Variants in KIAA1549L observed in about 807,000 individuals in gnomAD.
The protein encoded by KIAA1549L is KIAA1549 like, also known as UPF0606 protein KIAA1549L.
A neutral mutation model predicts 160.7 loss-of-function variants in KIAA1549L; 88 were observed. The observed-to-expected ratio is 0.55, with a 90% confidence interval of 0.46 to 0.65. The LOEUF (loss-of-function observed/expected upper bound fraction) is 0.65. Among genes scored for constraint, KIAA1549L ranks in the 30% least tolerant of loss-of-function variants. KIAA1549L has a pLI of 0.00. For missense variants in KIAA1549L, 2,258 were observed against 2,437.5 expected (o/e 0.93, Z 1.55); for synonymous variants, 950 against 976.7 (o/e 0.97, Z 0.51).
intron 17 of KIAA1549L, 32 bp downstream of exon 17, chr11:33,646,068 T>C (rs1489337070): frequency 6.7e-7 from 1 of 1,482,502 alleles, no homozygotes; most frequent in African/African-American, 1.4e-5. Context: ...CCTGCCATCA[T>C]CTGGTCAGTC....
At chr11:33,554,651 G>T (rs1590339084) in intron 6 of KIAA1549L, among the ~76,000 whole-genome samples, 1 of 152,172 alleles carries the variant, frequency 6.6e-6, no homozygotes, top group East Asian at 1.9e-4. Flanking sequence ...TAAAATGCCT[G>T]GGATTAGCTC....
At chr11:33,493,157 G>A (rs1381856786) in intron 1 of KIAA1549L, among the ~76,000 whole-genome samples, 1 of 152,038 alleles carries the variant, frequency 6.6e-6, no homozygotes, top group Non-Finnish European at 1.5e-5. Context: ...TGATGCTGTG[G>A]TTTGAATGTG....
At chr11:33,498,999 G>A (rs531917091) in intron 1 of KIAA1549L, among the ~76,000 whole-genome samples, 1 of 152,272 alleles carries the variant, frequency 6.6e-6, no homozygotes, top group African/African-American at 2.4e-5. Flanking sequence ...ACCAAAGCTG[G>A]TAGCTCTTTG....
intron 13 of KIAA1549L, among the ~76,000 whole-genome samples, chr11:33,600,380 A>G (rs1052135220): frequency 6.6e-6 from 1 of 152,152 alleles, no homozygotes; most frequent in Non-Finnish European, 1.5e-5. Context: ...CTTTCTTCCT[A>G]GGATGAGGTG....
chr11:33,553,973 C>G (rs1197534200), intron 6 of KIAA1549L, among the ~76,000 whole-genome samples: 1 of 152,142 alleles, frequency 6.6e-6, no homozygotes, highest in Non-Finnish European at 1.5e-5. Context: ...ATTTTAGATG[C>G]TCTTGAACAT....
chr11:33,658,460 G>A (rs1297841217), intron 18 of KIAA1549L, among the ~76,000 whole-genome samples: 1 of 152,140 alleles, frequency 6.6e-6, no homozygotes, highest in African/African-American at 2.4e-5. Flanking sequence ...GAAATTAAAT[G>A]TTCTACCACC....
At chr11:33,431,002 G>A (rs1048228078) in intron 1 of KIAA1549L, among the ~76,000 whole-genome samples, 5 of 152,110 alleles carry the variant, frequency 3.3e-5, no homozygotes, top group African/African-American at 1.2e-4. Flanking sequence ...ATGTTCAGAT[G>A]TGTTCGGAGT....
chr11:33,598,229 T>A lies in KIAA1549L; in HGVS notation c.4752-591T>A, dbSNP rs761433. ...GTGTGTGTGTGTGTGTGTGTGTGTGTCAGAGTGAAGCCCCTAGTGATGGGG... is the reference window on the plus strand; with the variant it reads ...GTGTGTGTGTGTGTGTGTGTGTGTGACAGAGTGAAGCCCCTAGTGATGGGG... On this transcript the variant is annotated intron_variant, in intron 12 of 20. Transcript: ENST00000658780. Among the ~76,000 whole-genome samples, 507 of 148,070 alleles carry A rather than the reference T, an allele frequency of 3.4e-3. 2 individuals carry two copies. Among genetic ancestry groups the A allele is most frequent in the East Asian group, 6.6e-3 (33 of 5,010 alleles).
rs1565178774 is a variant in KIAA1549L, at chr11:33,545,158, C to T, written c.3165C>T (p.Pro1055=). The T allele has an allele frequency of 1.2e-6, 2 of 1,614,040 alleles. No individual in the cohort carries two copies. The highest frequency in any genetic ancestry group is 1.7e-6 in the Non-Finnish European group (2 of 1,179,886). Residue 1055 remains proline (P), a synonymous_variant, in exon 3 of 21, where the codon CCC becomes CCT. Coordinates refer to ENST00000658780, the MANE Select transcript of KIAA1549L (RefSeq NM_012194.3). The part of the protein sequence containing the change: ...PQAMHTGLPN[P]TNLEMPRAST... The stretch of plus-strand genomic sequence containing the variant: ...CCATGCACACCGGCCTCCCAAACCC[C>T]ACCAACCTGGAGATGCCCAGAGCAT...
chr11:33,385,528 G>A (rs570288733), intron 1 of KIAA1549L, among the ~76,000 whole-genome samples: 30 of 152,312 alleles, frequency 2.0e-4, no homozygotes, highest in South Asian at 8.3e-4. Flanking sequence ...AAAATTGACC[G>A]TGATTGAGTT....
intron 1 of KIAA1549L, among the ~76,000 whole-genome samples, chr11:33,389,677 A>T (rs1181800510): frequency 6.6e-6 from 1 of 152,226 alleles, no homozygotes; most frequent in Non-Finnish European, 1.5e-5. Flanking sequence ...AACACATTTT[A>T]AACAAGTGTT....
chr11:33,505,413 C>G (rs1853058429), intron 1 of KIAA1549L, among the ~76,000 whole-genome samples: 1 of 152,226 alleles, frequency 6.6e-6, no homozygotes, highest in Admixed American at 6.5e-5. Flanking sequence ...TGCCAACCAG[C>G]TCAACATTCT....
chr11:33,546,504 A>C (rs1364930897), intron 3 of KIAA1549L, among the ~76,000 whole-genome samples: 1 of 152,016 alleles, frequency 6.6e-6, no homozygotes. Context: ...CCTTCTCTCC[A>C]TCCTATTTCA....
intron 1 of KIAA1549L, among the ~76,000 whole-genome samples, chr11:33,418,651 C>A (rs1376815331): frequency 2.0e-5 from 3 of 152,274 alleles, no homozygotes; most frequent in Admixed American, 6.5e-5. Flanking sequence ...GGATTCATTG[C>A]AAACCATTCT....
intron 1 of KIAA1549L, among the ~76,000 whole-genome samples, chr11:33,482,181 G>T (rs762249171): frequency 3.3e-5 from 5 of 151,876 alleles, no homozygotes; most frequent in Non-Finnish European, 5.9e-5. Flanking sequence ...ATTGATTTTT[G>T]AGGATTATTT....
chr11:33,389,856 A>G (rs529299319), intron 1 of KIAA1549L, among the ~76,000 whole-genome samples: 2 of 152,338 alleles, frequency 1.3e-5, no homozygotes, highest in Admixed American at 6.5e-5. Context: ...AAGGTCACAC[A>G]TTGGTCCAGG....
intron 1 of KIAA1549L, among the ~76,000 whole-genome samples, chr11:33,486,897 A>G (rs1450417728): frequency 6.6e-6 from 1 of 152,194 alleles, no homozygotes; most frequent in Non-Finnish European, 1.5e-5. Context: ...TCAGTTTATC[A>G]GTTCTTGAAA....
intron 1 of KIAA1549L, among the ~76,000 whole-genome samples, chr11:33,465,710 C>A (rs1852043598): frequency 6.6e-6 from 1 of 152,182 alleles, no homozygotes; most frequent in African/African-American, 2.4e-5. Flanking sequence ...ACCATCGGAT[C>A]TTCGACAAAC....
At chr11:33,496,016 G>A (rs1454699594) in intron 1 of KIAA1549L, among the ~76,000 whole-genome samples, 1 of 152,178 alleles carries the variant, frequency 6.6e-6, no homozygotes, top group African/African-American at 2.4e-5. Flanking sequence ...AGGCTGGAGT[G>A]CAGAGGTGAG....
Sources: allele counts gnomAD v4.1 joint callset (sites outside exome capture counted in the v4.1 genomes callset), GRCh38; gene constraint gnomAD v4.1.1; transcripts MANE v1.5; gene names NCBI Gene and HGNC (gene_info 2026-07-23, HGNC 2026-07-21).